FGD6: variants seen among roughly 807,000 people sequenced by gnomAD.
The protein encoded by FGD6 is FYVE, RhoGEF and PH domain-containing protein 6.
FGD6 carries 90 observed loss-of-function variants against 149.4 expected under a neutral mutation model. The observed-to-expected ratio is 0.60, with a 90% CI of 0.51 to 0.72. The LOEUF is 0.72. Among genes scored for constraint, FGD6 ranks in the 30% least tolerant of loss-of-function variants. The probability of loss-of-function intolerance (pLI) is 0.00; values close to 1 mark genes in which losing one functional copy is unlikely to be tolerated. For missense variants in FGD6, 1,437 were observed against 1,684.8 expected, an observed-to-expected ratio of 0.85 and a Z score of 2.57; for synonymous variants, 527 against 584.0, an observed-to-expected ratio of 0.90 and a Z score of 1.41.
At chr12:95,148,533 A>ATATATTATATAT (rs1880086620) in intron 5 of FGD6, among the ~76,000 whole-genome samples, 1 of 117,700 alleles carries the variant, frequency 8.5e-6, no homozygotes, top group African/African-American at 3.1e-5. Flanking sequence ...ATATTATATA[A>ATATATTATATAT]TATATAGCAT....
At position 95,083,972 on chromosome 12, in the gene FGD6, GT is replaced by G. The variant is rs567427129; in HGVS notation, c.4256+525del. 2.2e-3 allele frequency among the ~76,000 whole-genome samples: 340 copies of G among 152,332 alleles called. 3 individuals carry two copies. Among genetic ancestry groups the G allele is most frequent in the Admixed American group, 4.4e-3 (68 of 15,298 alleles). On this transcript the variant is annotated intron_variant, in intron 20 of 20. Coordinates refer to ENST00000343958, the MANE Select transcript of FGD6 (RefSeq NM_018351.4). ...TTCTTGCTGGAATTCTGAGGAGACT[GT>G]TTCAGCCTTTGCCATCTAAACTGAT... is the stretch of plus-strand genomic sequence containing the variant.
intron 3 of FGD6, among the ~76,000 whole-genome samples, chr12:95,165,487 C>A (rs1880782610): frequency 1.3e-5 from 2 of 151,986 alleles, no homozygotes; most frequent in African/African-American, 2.4e-5. Context: ...GCATGCACCA[C>A]CACGCCTGGC....
chr12:95,172,085 G>T (rs565275329), intron 3 of FGD6, among the ~76,000 whole-genome samples: 1 of 151,114 alleles, frequency 6.6e-6, no homozygotes, highest in African/African-American at 2.4e-5. Context: ...TTAGGAAAAA[G>T]AATTTCTTTG....
Position 95,082,984 on chromosome 12 carries a change from T to TTAAAAAAAAA in FGD6, c.4257-1429_4257-1428insTTTTTTTTTA, listed in dbSNP as rs1386719189. Among the ~76,000 whole-genome samples, 69 of 31,126 alleles carry TTAAAAAAAAA rather than the reference T, an allele frequency of 2.2e-3. 13 individuals are homozygous for TTAAAAAAAAA. Among genetic ancestry groups the TTAAAAAAAAA allele is most frequent in the Non-Finnish European group, 3.0e-3 (58 of 19,498 alleles). The allele number at this position is 31,126 out of a possible 152,430, so 20.4% of individuals were successfully genotyped here. A position where few individuals can be genotyped will look rare whatever the true frequency, so the allele number is the denominator to read the frequency against. ...CAACATTGCTAGACTCTGTCTCCAT[T>TTAAAAAAAAA]AAAAAAAAAAAAAAAAAAAAAAAAA... is the stretch of plus-strand genomic sequence containing the variant. On this transcript the variant is annotated intron_variant, in intron 20 of 20. Transcript: ENST00000343958.
At chr12:95,132,438 C>G (rs1336382472) in intron 8 of FGD6, among the ~76,000 whole-genome samples, 1 of 152,102 alleles carries the variant, frequency 6.6e-6, no homozygotes, top group Non-Finnish European at 1.5e-5. Flanking sequence ...CTACTTAGAA[C>G]AGTCGTAGTG....
At chr12:95,088,848 T>C (rs1336849390) in intron 18 of FGD6, among the ~76,000 whole-genome samples, 1 of 152,206 alleles carries the variant, frequency 6.6e-6, no homozygotes, top group African/African-American at 2.4e-5. Context: ...AGAAACATGA[T>C]CTTGATCAAA....
At chr12:95,178,034 GGGA>G (rs1565916791) in intron 2 of FGD6, among the ~76,000 whole-genome samples, 1 of 151,690 alleles carries the variant, frequency 6.6e-6, no homozygotes, top group African/African-American at 2.4e-5. Flanking sequence ...CCAAAGTGCT[GGGA>G]TGACAGCATG....
chr12:95,085,145 G>A (rs1877815908), intron 19 of FGD6, among the ~76,000 whole-genome samples: 1 of 151,084 alleles, frequency 6.6e-6, no homozygotes, highest in Non-Finnish European at 1.5e-5. Context: ...TCAGATCAAT[G>A]CAATCTAACG....
chr12:95,134,992 G>A (rs1879627204), intron 7 of FGD6, among the ~76,000 whole-genome samples, 166 bp from the exon 8 acceptor site: 1 of 152,150 alleles, frequency 6.6e-6, no homozygotes, highest in African/African-American at 2.4e-5. Context: ...CACTGAGAGT[G>A]AACCCCAGCC....
At chr12:95,215,118 C>T (rs537712474) in intron 1 of FGD6, among the ~76,000 whole-genome samples, 1 of 152,300 alleles carries the variant, frequency 6.6e-6, no homozygotes, top group South Asian at 2.1e-4. Context: ...GCCTTGGCCT[C>T]CCAAAGTGAT....
chr12:95,192,100 A>G (rs1247907026), intron 2 of FGD6, among the ~76,000 whole-genome samples: 1 of 152,214 alleles, frequency 6.6e-6, no homozygotes, highest in Non-Finnish European at 1.5e-5. Context: ...AATAGTTGTT[A>G]TATTATTTAG....
rs778399169 is a variant in FGD6 at position 95,105,126 on chromosome 12, T to A, written c.3418-40A>T. The A allele has an allele frequency of 8.2e-5, 127 of 1,555,446 alleles. 2 individuals are homozygous for A. The South Asian group carries it at 1.5e-3, about 18-fold the overall frequency. On this transcript the variant is annotated intron_variant, in intron 13 of 20. Transcript: ENST00000343958. Reference sequence around the variant, plus strand: ...AACAATTTGAGCCGACTCATCCTACTGAAAACCATATCAATGAGCTGAAGT... The same window carrying A: ...AACAATTTGAGCCGACTCATCCTACAGAAAACCATATCAATGAGCTGAAGT...
intron 5 of FGD6, among the ~76,000 whole-genome samples, chr12:95,148,542 ATATATTATAT>A (rs1291492937): frequency 1.6e-5 from 2 of 126,892 alleles, no homozygotes; most frequent in South Asian, 2.2e-4. Context: ...AATATATAGC[ATATATTATAT>A]TATATATTAT....
At chr12:95,182,874 C>T (rs75652390) in intron 2 of FGD6, among the ~76,000 whole-genome samples, 2,909 of 152,338 alleles carry the variant, frequency 0.019, 91 homozygotes, top group African/African-American at 0.067. Context: ...AAAAACAGCT[C>T]ATCCTTTGAC....
rs763539831 is a variant in FGD6 at position 95,210,449 on chromosome 12, TC to T, written c.834del (p.Arg280GlyfsTer4). ...TCTGAAGATATTAAAGTACTCCTTT[TC>T]CCATTTTCCAGAGCCTCTAGTTCAG... ...QSSELEALEN[G>X]KRSTLISSDG... On this transcript the variant is annotated frameshift_variant, in exon 2 of 21. Transcript: ENST00000343958. LOFTEE classifies it high-confidence loss of function. The T allele has an allele frequency of 1.2e-6, 2 of 1,614,146 alleles. No individual in the cohort carries two copies. Among genetic ancestry groups the T allele is most frequent in the African/African-American group, 1.3e-5 (1 of 75,048 alleles).
At position 95,209,434 on chromosome 12, in the gene FGD6, G is replaced by A. The variant is rs199982838; in HGVS notation, c.1850C>T (p.Pro617Leu). Residue 617 changes from proline (P) to leucine (L), a missense_variant, in exon 2 of 21, where the codon CCT becomes CTT. Pro to Leu is a moderately conservative substitution (Grantham distance 98, BLOSUM62 -3). This residue lies in a region of FGD6 where 1,055 missense variants were observed against 1,146.0 expected (regional missense o/e 0.92). Transcript: ENST00000343958. ...GTTTTTCTTTGTAGAGTCTTTGCAAGGCTTAGTGCACTTTTCCACATCCAT... is the reference window on the plus strand; with the variant it reads ...GTTTTTCTTTGTAGAGTCTTTGCAAAGCTTAGTGCACTTTTCCACATCCAT... ...SAMDVEKCTKPCKDSTKKNSF... is the reference protein window; with the variant it reads ...SAMDVEKCTKLCKDSTKKNSF... 5.2e-5 allele frequency: 84 copies of A among 1,612,832 alleles called. No individual in the cohort carries two copies. Among genetic ancestry groups the A allele is most frequent in the Non-Finnish European group, 7.1e-5 (84 of 1,179,310 alleles).
At chr12:95,138,296 C>T (rs1879739569) in intron 6 of FGD6, among the ~76,000 whole-genome samples, 1 of 152,118 alleles carries the variant, frequency 6.6e-6, no homozygotes, top group Admixed American at 6.6e-5. Context: ...GTAATCCCAG[C>T]ATTTTGGGAG....
chr12:95,194,881 A>G (rs1881698187), intron 2 of FGD6, among the ~76,000 whole-genome samples: 1 of 152,188 alleles, frequency 6.6e-6, no homozygotes, highest in South Asian at 2.1e-4. Context: ...TTTCTTTGCC[A>G]CATGTGAATC....
chr12:95,187,728 C>T (rs1881484629), intron 2 of FGD6, among the ~76,000 whole-genome samples: 2 of 151,850 alleles, frequency 1.3e-5, no homozygotes, highest in African/African-American at 2.4e-5. Context: ...CAGCTCATCA[C>T]CAGCTTAAAG....
Sources: gnomAD v4.1 joint callset for allele counts (sites outside exome capture counted in the v4.1 genomes callset) on GRCh38, gnomAD v4.1.1 for gene constraint, gnomAD v4.1.1 regional missense constraint, MANE v1.5 for transcripts, NCBI Gene and HGNC (gene_info 2026-07-23, HGNC 2026-07-21) for gene names.